Variants in FN1 observed in about 807,000 individuals in gnomAD.
FN1 encodes fibronectin 1, also known as fibronectin.
A neutral mutation model predicts 297.3 loss-of-function variants in FN1; 106 were observed. The observed-to-expected ratio is 0.36, with a 90% CI of 0.30 to 0.42. The LOEUF is 0.42. Among genes scored for constraint, FN1 ranks in the 10% least tolerant of loss-of-function variants. FN1 has a pLI of 1.00. For synonymous variants in FN1, 1,149 were observed against 1,152.6 expected (o/e 1.00, Z 0.06); for missense variants, 2,690 against 3,124.9 (o/e 0.86, Z 3.32).
At chr2:215,397,408 T>A (rs887057822) in intron 22 of FN1, among the ~76,000 whole-genome samples, 185 bp from the exon 23 acceptor site, 1 of 150,102 alleles carries the variant, frequency 6.7e-6, no homozygotes. Flanking sequence ...GACTTCTTTA[T>A]GATTAATGAT....
In FN1 at chr2:215,435,811, G is replaced by A; in HGVS notation, c.-9C>T. 4 of 1,538,590 alleles carry A rather than the reference G, an allele frequency of 2.6e-6. No homozygotes were observed. Among genetic ancestry groups the A allele is most frequent in the Non-Finnish European group, 3.5e-6 (4 of 1,144,694 alleles). On this transcript the variant is annotated 5_prime_UTR_variant, in exon 1 of 46. Transcript: ENST00000354785. Reference sequence around the variant, plus strand: ...CCCGGACCCCTAAGCATGTTGAGACGGTGGGGGAGAGACGCCCGCACCGGG... The same window carrying A: ...CCCGGACCCCTAAGCATGTTGAGACAGTGGGGGAGAGACGCCCGCACCGGG...
chr2:215,411,832 A>T (rs1167454008), intron 13 of FN1, among the ~76,000 whole-genome samples: 1 of 151,752 alleles, frequency 6.6e-6, no homozygotes, highest in Non-Finnish European at 1.5e-5. Context: ...ATGCCCAGCT[A>T]ATTTTTTTGT....
chr2:215,421,000 T>G (rs1190408362), intron 10 of FN1, 199 bp from the exon 11 acceptor site: 1 of 576,328 alleles, frequency 1.7e-6, no homozygotes, highest in Admixed American at 2.8e-5. Context: ...AAAATTTTTT[T>G]CTTCCCAAAA....
At chr2:215,396,902 T>G (rs2060364271) in intron 23 of FN1, among the ~76,000 whole-genome samples, 1 of 152,220 alleles carries the variant, frequency 6.6e-6, no homozygotes, top group Non-Finnish European at 1.5e-5. Context: ...TGAGGATCTG[T>G]CTTGTCCCCC....
chr2:215,362,895 G>A (rs2053772803), intron 44 of FN1: 1 of 152,504 alleles, frequency 6.6e-6, no homozygotes, highest in African/African-American at 2.4e-5. Flanking sequence ...CGGAGCAAGA[G>A]GGAGTCCGGG....
chr2:215,387,215 A>G (rs1223875892), intron 27 of FN1, among the ~76,000 whole-genome samples: 2 of 152,164 alleles, frequency 1.3e-5, no homozygotes, highest in Non-Finnish European at 2.9e-5. Flanking sequence ...TAATTCAAGC[A>G]GATTTTAGGG....
chr2:215,435,899 T>G lies in FN1; in HGVS notation c.-97A>C, dbSNP rs2067400178. 9 of 1,434,864 alleles carry G rather than the reference T, an allele frequency of 6.3e-6. No individual in the cohort carries two copies. The highest frequency in any genetic ancestry group is 5.5e-6 in the Non-Finnish European group (6 of 1,093,474). The allele number at this position is 1,434,864 out of a possible 1,614,324, so 88.9% of individuals were successfully genotyped here. Reference sequence around the variant, plus strand: ...TGCGGGAAAAATCCCTTCTAATGCCTCCCGGGGGTTGTCGCCTCCAAGAAG... The same window carrying G: ...TGCGGGAAAAATCCCTTCTAATGCCGCCCGGGGGTTGTCGCCTCCAAGAAG... On this transcript the variant is annotated 5_prime_UTR_variant, in exon 1 of 46. Coordinates refer to ENST00000354785, the MANE Select transcript of FN1 (RefSeq NM_212482.4).
chr2:215,386,076 CTTTTT>C (rs571159227), intron 28 of FN1, among the ~76,000 whole-genome samples: 1 of 109,432 alleles, frequency 9.1e-6, no homozygotes, highest in South Asian at 3.1e-4. Flanking sequence ...GCGCCTGGCC[CTTTTT>C]TTTTTTTTTT....
rs925286990 is a variant in FN1 at position 215,378,056 on chromosome 2, C to T, written c.5710+119G>A. ...CTCCTGGCCTCAAGTGACGCTCCCG[C>T]CTCAGCTTCCCAAAGTGCTTGGATT... is the stretch of plus-strand genomic sequence containing the variant. On this transcript the variant is annotated intron_variant, in intron 35 of 45. Transcript: ENST00000354785. The T allele has an allele frequency of 3.0e-5, 22 of 744,538 alleles. No homozygotes were observed. In the African/African-American group the frequency reaches 3.4e-4, roughly 12 times the overall value. 46.1% of individuals were successfully genotyped at this position (744,538 alleles called of 1,614,324 possible).
At chr2:215,421,973 G>C in intron 10 of FN1, 118 bp downstream of exon 10, 1 of 959,132 alleles carries the variant, frequency 1.0e-6, no homozygotes, top group Non-Finnish European at 1.7e-6. Flanking sequence ...ACTAATGAAT[G>C]ACGTGGCATT....
rs1240835249 is a variant in FN1, at chr2:215,386,748, C to T, written c.4553G>A (p.Ser1518Asn). ...NLTPGTEYVV[S>N]IVALNGREES... ...CTCTCTGCCATTAAGAGCAACGATG[C>T]TGACCACATACTCTGTGCCTGGAGT... Residue 1518 changes from serine (S) to asparagine (N), a missense_variant, in exon 28 of 46, where the codon AGC (serine) becomes AAC (asparagine). Physicochemically the swap from Ser to Asn is conservative, Grantham distance 46. This residue lies in a region of FN1 where 1,743 missense variants were observed against 1,945.2 expected (regional missense o/e 0.90). Coordinates refer to ENST00000354785, the MANE Select transcript of FN1 (RefSeq NM_212482.4). 6.2e-7 allele frequency: 1 copy of T among 1,613,804 alleles called. No individual in the cohort carries two copies. Among genetic ancestry groups the T allele is most frequent in the Non-Finnish European group, 8.5e-7 (1 of 1,179,990 alleles).
At chr2:215,414,432 GC>G (rs1447277182) in intron 13 of FN1, among the ~76,000 whole-genome samples, 1 of 151,762 alleles carries the variant, frequency 6.6e-6, no homozygotes, top group Non-Finnish European at 1.5e-5. Flanking sequence ...TATTAATTTG[GC>G]TTTTTTTTTC....
At chr2:215,401,206 G>GAA (rs1275322968) in intron 20 of FN1, among the ~76,000 whole-genome samples, 18 of 30,178 alleles carry the variant, frequency 6.0e-4, no homozygotes, top group African/African-American at 2.4e-3. Flanking sequence ...AGAAAAGAAA[G>GAA]AAAGAAAGAA....
chr2:215,406,138 A>C (rs956255338), intron 19 of FN1, 100 bp downstream of exon 19: 2 of 1,232,196 alleles, frequency 1.6e-6, no homozygotes, highest in African/African-American at 3.0e-5. Flanking sequence ...CCCTCTCTCT[A>C]AGCCATACAC....
chr2:215,389,388 C>T (rs964954870), intron 26 of FN1, among the ~76,000 whole-genome samples: 5 of 151,156 alleles, frequency 3.3e-5, no homozygotes, highest in Non-Finnish European at 7.4e-5. Flanking sequence ...CAGGCGTGAG[C>T]CACTGTGCCC....
intron 23 of FN1, among the ~76,000 whole-genome samples, chr2:215,395,531 C>CT (rs2060207871): frequency 1.6e-5 from 2 of 126,300 alleles, no homozygotes; most frequent in African/African-American, 6.4e-5. Context: ...CAGAGTGAGA[C>CT]TCTGTCTCAA....
At chr2:215,420,208 G>T (rs534972483) in intron 11 of FN1, among the ~76,000 whole-genome samples, 2 of 152,124 alleles carry the variant, frequency 1.3e-5, no homozygotes, top group African/African-American at 4.8e-5. Context: ...GCCTGGTGGC[G>T]CATGCCTGTA....
rs1395673994 is a variant in FN1, at chr2:215,408,303, G to C, written c.2423C>G (p.Thr808Arg). 6.2e-7 allele frequency: 1 copy of C among 1,614,182 alleles called. No individual in the cohort carries two copies. The highest frequency in any genetic ancestry group is 8.5e-7 in the Non-Finnish European group (1 of 1,180,006). Reference sequence around the variant, plus strand: ...ACTATGTAGCACACATGTACCTGTTGTTTGTGAAGTAGACAGGATCAAACT... The same window carrying C: ...ACTATGTAGCACACATGTACCTGTTCTTTGTGAAGTAGACAGGATCAAACT... ...EQSLILSTSQ[T>R]TAPDAPPDTT... The change falls in exon 16 of 46, where the codon ACA becomes AGA. Residue 808 changes from threonine (T) to arginine (R), a missense_variant. This residue lies in a region of FN1 where 876 missense variants were observed against 1,058.1 expected (regional missense o/e 0.83). Coordinates refer to ENST00000354785, the MANE Select transcript of FN1 (RefSeq NM_212482.4).
chr2:215,425,143 C>T lies in FN1; in HGVS notation c.987G>A (p.Lys329=). The change falls in exon 7 of 46, where the codon AAG becomes AAA. Residue 329 remains lysine (K), a synonymous_variant. Coordinates refer to ENST00000354785, the MANE Select transcript of FN1 (RefSeq NM_212482.4). ...GMQWLKTQGN[K]QMLCTCLGNG... Reference sequence around the variant, plus strand: ...TGCCCAGGCACGTGCAAAGCATTTGCTTATTTCCTTGTGTCTTCAGCCACT... The same window carrying T: ...TGCCCAGGCACGTGCAAAGCATTTGTTTATTTCCTTGTGTCTTCAGCCACT... 6.2e-7 allele frequency: 1 copy of T among 1,614,202 alleles called. No homozygotes were observed. Among genetic ancestry groups the T allele is most frequent in the Non-Finnish European group, 8.5e-7 (1 of 1,180,032 alleles).
Sources: allele counts gnomAD v4.1 joint callset (sites outside exome capture counted in the v4.1 genomes callset), GRCh38; gene constraint gnomAD v4.1.1; regional missense constraint gnomAD v4.1.1; transcripts MANE v1.5; gene names NCBI Gene and HGNC (gene_info 2026-07-23, HGNC 2026-07-21).